The following TLE4 variants were observed in gnomAD, a reference collection of about 807,000 sequenced individuals.
TLE4 encodes the protein TLE family member 4, transcriptional corepressor.
TLE4 carries 8 observed loss-of-function variants against 92.8 expected under a neutral mutation model. The ratio of observed to expected loss-of-function variants is 0.09; its 90% CI spans 0.05 to 0.16. The LOEUF (loss-of-function observed/expected upper bound fraction) is 0.16, where lower values mean the gene tolerates loss of function less well. Ranked by LOEUF, TLE4 falls within the 10% of genes least tolerant of loss-of-function variation. The pLI, the probability that TLE4 is intolerant of heterozygous loss-of-function variation, is 1.00. For missense variants in TLE4, 675 were observed against 997.6 expected (o/e 0.68, Z 4.36); for synonymous variants, 371 against 374.1 (o/e 0.99, Z 0.10).
intron 4 of TLE4, among the ~76,000 whole-genome samples, chr9:79,594,718 C>T (rs928869846): frequency 2.6e-5 from 4 of 152,134 alleles, no homozygotes; most frequent in Non-Finnish European, 4.4e-5. Flanking sequence ...TGTCACCTTT[C>T]CTCTCTTCAA....
At chr9:79,619,375 A>G (rs369872712) in intron 5 of TLE4, among the ~76,000 whole-genome samples, 3 of 152,198 alleles carry the variant, frequency 2.0e-5, no homozygotes, top group Admixed American at 2.0e-4. Context: ...TTTTGCATGT[A>G]TAGAATAATT....
At chr9:79,649,941 G>C in intron 6 of TLE4, 1 of 1,227,026 alleles carries the variant, frequency 8.1e-7, no homozygotes, top group Admixed American at 2.5e-5. Context: ...TTTGAGACAG[G>C]GTTTCACTCT....
rs556985099 is a variant in TLE4, at chr9:79,604,845, G to A, written c.253-7811G>A. Among the ~76,000 whole-genome samples the A allele has an allele frequency of 3.9e-5, 6 of 152,266 alleles. No individual in the cohort carries two copies. The South Asian group carries it at 1.2e-3, about 32-fold the overall frequency. On this transcript the variant is annotated intron_variant, in intron 4 of 19. Coordinates refer to ENST00000376552, the MANE Select transcript of TLE4 (RefSeq NM_007005.6). ...CACATCATTTTGATCATACATATATGTTGGGAAAAATCAAGATGAATAATC... is the reference window on the plus strand; with the variant it reads ...CACATCATTTTGATCATACATATATATTGGGAAAAATCAAGATGAATAATC...
At chr9:79,573,945 C>T (rs892141191) in intron 2 of TLE4, 159 bp downstream of exon 2, 1 of 431,434 alleles carries the variant, frequency 2.3e-6, no homozygotes, top group Non-Finnish European at 4.1e-6. Context: ...GGCCTCCTTC[C>T]TTAGGCAGGT....
chr9:79,709,323 G>C (rs2072615180), intron 13 of TLE4, among the ~76,000 whole-genome samples: 1 of 151,856 alleles, frequency 6.6e-6, no homozygotes, highest in African/African-American at 2.4e-5. Context: ...ACTAATTTTG[G>C]AAACTTCAAA....
At chr9:79,582,425 A>G (rs1050858046) in intron 4 of TLE4, among the ~76,000 whole-genome samples, 2 of 152,146 alleles carry the variant, frequency 1.3e-5, no homozygotes, top group African/African-American at 4.8e-5. Context: ...AATGAGCTAC[A>G]TCTCTAGGTG....
Position 79,722,453 on chromosome 9 carries a change from C to A in TLE4, c.1989C>A (p.Ile663=), listed in dbSNP as rs779668081. ...ACCATCACCTGTTTTAATTCTAGATCTTTTCTCTGGGCTACTGCCCAACTG... is the reference window on the plus strand; with the variant it reads ...ACCATCACCTGTTTTAATTCTAGATATTTTCTCTGGGCTACTGCCCAACTG... ...QLQQHDFTSQ[I]FSLGYCPTGE... The change falls in exon 18 of 20, where the codon ATC becomes ATA. Residue 663 remains isoleucine, a splice_region_variant and synonymous_variant. Transcript: ENST00000376552. 6.2e-7 allele frequency: 1 copy of A among 1,614,036 alleles called. No homozygotes were observed. Among genetic ancestry groups the A allele is most frequent in the Non-Finnish European group, 8.5e-7 (1 of 1,179,974 alleles).
intron 8 of TLE4, among the ~76,000 whole-genome samples, chr9:79,677,253 T>G (rs1192799901): frequency 6.6e-6 from 1 of 152,146 alleles, no homozygotes; most frequent in African/African-American, 2.4e-5. Flanking sequence ...AGTAGTAATT[T>G]TGGCTAATTC....
In TLE4 at chr9:79,722,608, A is replaced by T; in HGVS notation, c.2137+7A>T. 4 of 1,613,066 alleles carry T rather than the reference A, an allele frequency of 2.5e-6. No individual in the cohort carries two copies. The highest frequency in any genetic ancestry group is 3.4e-6 in the Non-Finnish European group (4 of 1,179,630). ...CTCAAGTTTGCCCATTGTGGTAAGC[A>T]AGCACCTTTTGTCCATTTTCTGTCA... On this transcript the variant is annotated splice_region_variant and intron_variant, in intron 18 of 19. Coordinates refer to ENST00000376552, the MANE Select transcript of TLE4 (RefSeq NM_007005.6).
chr9:79,620,677 A>G (rs1395130124), intron 5 of TLE4, among the ~76,000 whole-genome samples: 4 of 152,164 alleles, frequency 2.6e-5, no homozygotes, highest in Admixed American at 6.5e-5. Flanking sequence ...ATCTAAAGTA[A>G]TATCTAATTT....
intron 5 of TLE4, among the ~76,000 whole-genome samples, chr9:79,615,629 A>AT (rs889196719): frequency 2.0e-5 from 3 of 149,330 alleles, no homozygotes; most frequent in Non-Finnish European, 3.0e-5. Context: ...GGTTTACCGC[A>AT]TTTTTTTAAA....
At chr9:79,705,861 A>G (rs771784598) in intron 9 of TLE4, 28 bp from the exon 10 acceptor site, 27 of 1,613,110 alleles carry the variant, frequency 1.7e-5, no homozygotes, top group Non-Finnish European at 2.3e-5. Flanking sequence ...TGAGGGGAGA[A>G]GATAATGCTT....
At chr9:79,641,977 T>G (rs1267535071) in intron 6 of TLE4, among the ~76,000 whole-genome samples, 1 of 152,006 alleles carries the variant, frequency 6.6e-6, no homozygotes, top group African/African-American at 2.4e-5. Context: ...AAAAAGGGTA[T>G]AGAAGACTAT....
chr9:79,696,898 C>T (rs1275947966), intron 8 of TLE4, among the ~76,000 whole-genome samples: 4 of 152,096 alleles, frequency 2.6e-5, no homozygotes, highest in African/African-American at 9.7e-5. Context: ...CGTGAACATC[C>T]AGGAAAGAGA....
chr9:79,661,366 T>C, intron 8 of TLE4, among the ~76,000 whole-genome samples: 1 of 152,232 alleles, frequency 6.6e-6, no homozygotes, highest in Admixed American at 6.5e-5. Context: ...TGTATTTTGT[T>C]CTGTGGTGAT....
chr9:79,593,359 T>C (rs1347902166), intron 4 of TLE4, among the ~76,000 whole-genome samples: 1 of 152,170 alleles, frequency 6.6e-6, no homozygotes, highest in African/African-American at 2.4e-5. Flanking sequence ...CACACACCCA[T>C]GTATCTAGTA....
At chr9:79,708,863 G>C in intron 13 of TLE4, 77 bp downstream of exon 13, 1 of 1,465,828 alleles carries the variant, frequency 6.8e-7, no homozygotes, top group Non-Finnish European at 9.1e-7. Context: ...ACAGGGTCTC[G>C]CTCTGTCACC....
At chr9:79,700,212 G>T (rs2069413236) in intron 8 of TLE4, among the ~76,000 whole-genome samples, 1 of 152,188 alleles carries the variant, frequency 6.6e-6, no homozygotes, top group African/African-American at 2.4e-5. Context: ...CTGAGACTAA[G>T]CAACATCCCT....
At chr9:79,581,293 C>G (rs1449104652) in intron 4 of TLE4, among the ~76,000 whole-genome samples, 3 of 152,170 alleles carry the variant, frequency 2.0e-5, no homozygotes, top group African/African-American at 7.2e-5. Context: ...GACCCAGTGA[C>G]CTGTCCTTTT....
Sources: allele counts gnomAD v4.1 joint callset (sites outside exome capture counted in the v4.1 genomes callset), GRCh38; gene constraint gnomAD v4.1.1; transcripts MANE v1.5; gene names NCBI Gene and HGNC (gene_info 2026-07-23, HGNC 2026-07-21).